Variants in INTS7 observed in about 807,000 individuals in gnomAD.
The protein encoded by INTS7 is chromosome 1 open reading frame 73.
INTS7 carries 46 observed loss-of-function variants against 109.2 expected under a neutral mutation model. The ratio of observed to expected loss-of-function variants is 0.42; its 90% CI spans 0.33 to 0.54. INTS7 has a LOEUF of 0.54. INTS7 is among the 20% of genes least tolerant of loss of function. The probability of loss-of-function intolerance (pLI) is 0.07; values close to 1 mark genes in which losing one functional copy is unlikely to be tolerated. For missense variants in INTS7, 929 were observed against 1,132.4 expected (o/e 0.82, Z 2.58); for synonymous variants, 412 against 402.9 (o/e 1.02, Z -0.27).
At chr1:211,999,175 T>C (rs185750278) in intron 7 of INTS7, among the ~76,000 whole-genome samples, 53 of 152,350 alleles carry the variant, frequency 3.5e-4, no homozygotes, top group Admixed American at 1.0e-3. Flanking sequence ...CCGTGTATGA[T>C]TGCAGCTTTA....
Position 212,020,229 on chromosome 1 carries a change from T to C in INTS7, c.264A>G (p.Gln88=), listed in dbSNP as rs1405176515. 1.9e-6 allele frequency: 3 copies of C among 1,603,990 alleles called. No homozygotes were observed. Among genetic ancestry groups the C allele is most frequent in the African/African-American group, 1.3e-5 (1 of 74,672 alleles). ...TCTTCTCCAAATGTTTCTCACTTTG[T>C]TGGGTAACTTTAAGAACACATAGCC... The part of the protein sequence containing the change: ...FLRLCVLKVT[Q]QSEKHLEKIL... Residue 88 remains glutamine, a synonymous_variant, in exon 3 of 20, where the codon CAA becomes CAG. Coordinates refer to ENST00000366994, the MANE Select transcript of INTS7 (RefSeq NM_015434.4).
At chr1:211,958,070 TAAAAA>T (rs11310640) in intron 16 of INTS7, among the ~76,000 whole-genome samples, 4 of 148,542 alleles carry the variant, frequency 2.7e-5, no homozygotes, top group Non-Finnish European at 6.0e-5. Flanking sequence ...TTTTAAAAAT[TAAAAA>T]AAAAAACAAA....
chr1:211,989,247 A>C (rs1373049356), intron 7 of INTS7, among the ~76,000 whole-genome samples: 1 of 152,158 alleles, frequency 6.6e-6, no homozygotes, highest in Non-Finnish European at 1.5e-5. Context: ...ATCCAGAAAA[A>C]CTGGCAAGGA....
intron 8 of INTS7, among the ~76,000 whole-genome samples, chr1:211,983,080 A>C (rs1268806433): frequency 3.3e-5 from 5 of 152,226 alleles, no homozygotes; most frequent in Non-Finnish European, 7.4e-5. Context: ...GACTAACAGT[A>C]CAAAAGCCAA....
rs73072524 is a variant in INTS7 at position 212,011,133 on chromosome 1, G to A, written c.556+242C>T. Among the ~76,000 whole-genome samples the A allele has an allele frequency of 4.8e-3, 737 of 152,170 alleles. 6 individuals carry two copies. Among genetic ancestry groups the A allele is most frequent in the African/African-American group, 0.016 (645 of 41,528 alleles). On this transcript the variant is annotated intron_variant, in intron 5 of 19. Transcript: ENST00000366994. ...TCACCATAGCACCAGAAATGTCATA[G>A]GCACATTTGTCTATCCCCACACACC...
At chr1:211,979,334 T>C (rs535993800) in intron 10 of INTS7, among the ~76,000 whole-genome samples, 2 of 152,306 alleles carry the variant, frequency 1.3e-5, no homozygotes, top group South Asian at 2.1e-4. Flanking sequence ...CACATAACTT[T>C]AGAGTCTGAT....
chr1:212,019,642 A>T (rs1298776388), intron 3 of INTS7, among the ~76,000 whole-genome samples: 1 of 152,174 alleles, frequency 6.6e-6, no homozygotes, highest in Non-Finnish European at 1.5e-5. Flanking sequence ...TAACAAATAA[A>T]TTTTTTTAAA....
intron 7 of INTS7, among the ~76,000 whole-genome samples, chr1:211,995,664 T>C (rs1469258514): frequency 6.6e-6 from 1 of 152,168 alleles, no homozygotes; most frequent in East Asian, 1.9e-4. Context: ...TCTGAATATT[T>C]GTGTCTCCCC....
At chr1:211,988,036 T>C in intron 7 of INTS7, 33 bp from the exon 8 acceptor site, 1 of 1,038,090 alleles carries the variant, frequency 9.6e-7, no homozygotes, top group Non-Finnish European at 1.5e-6. Flanking sequence ...ATATAGAAGT[T>C]AAAACATCAA....
intron 16 of INTS7, among the ~76,000 whole-genome samples, chr1:211,963,596 T>C (rs1160626669): frequency 6.6e-6 from 1 of 152,058 alleles, no homozygotes; most frequent in Non-Finnish European, 1.5e-5. Flanking sequence ...CAAAAAATAC[T>C]GGCAAACTGA....
chr1:212,035,390 G>A lies in INTS7; in HGVS notation c.48C>T (p.Gly16=). The A allele has an allele frequency of 6.2e-7, 1 of 1,613,842 alleles. No individual in the cohort carries two copies. Among genetic ancestry groups the A allele is most frequent in the Non-Finnish European group, 8.5e-7 (1 of 1,179,738 alleles). Residue 16 remains glycine, a synonymous_variant, in exon 1 of 20, where the codon GGC becomes GGT. Coordinates refer to ENST00000366994, the MANE Select transcript of INTS7 (RefSeq NM_015434.4). Reference sequence around the variant, plus strand: ...CAGAGTTGGCATCCAGTTCCTGTTCGCCATAGCCGGCATCTGCCAGGAAAG... The same window carrying A: ...CAGAGTTGGCATCCAGTTCCTGTTCACCATAGCCGGCATCTGCCAGGAAAG... The part of the protein sequence containing the change: ...TKSFLADAGY[G]EQELDANSAL...
Position 211,959,554 on chromosome 1 carries a change from C to T in INTS7, c.2184-6853G>A, listed in dbSNP as rs946805684. Among the ~76,000 whole-genome samples the T allele has an allele frequency of 3.9e-5, 6 of 152,158 alleles. No individual in the cohort carries two copies. The highest frequency in any genetic ancestry group is 5.9e-5 in the Non-Finnish European group (4 of 68,018). Reference sequence around the variant, plus strand: ...GCCACCCTCGACATTGCTTTGCCTGCGTGTGCATGGGCAGATCTTGCCTCC... The same window carrying T: ...GCCACCCTCGACATTGCTTTGCCTGTGTGTGCATGGGCAGATCTTGCCTCC... On this transcript the variant is annotated intron_variant, in intron 16 of 19. Coordinates refer to ENST00000366994, the MANE Select transcript of INTS7 (RefSeq NM_015434.4). This position sits in a 1 kb window ranked among gnomAD's most constrained non-coding sequence, Gnocchi z 4.2.
At chr1:211,974,621 ATAAC>A (rs1558034253) in intron 13 of INTS7, among the ~76,000 whole-genome samples, 1 of 152,172 alleles carries the variant, frequency 6.6e-6, no homozygotes, top group African/African-American at 2.4e-5. Flanking sequence ...ACTTAGGAAT[ATAAC>A]TAATTTCAAG....
intron 2 of INTS7, 151 bp from the exon 3 acceptor site, chr1:212,020,419 A>C: frequency 4.9e-6 from 3 of 607,352 alleles, no homozygotes; most frequent in Non-Finnish European, 8.3e-6. Flanking sequence ...TAAAGTTTGT[A>C]CTTTAGGTGG....
intron 4 of INTS7, among the ~76,000 whole-genome samples, chr1:212,015,710 TAAAAAAAAAAA>T (rs58204818): frequency 2.2e-3 from 77 of 34,982 alleles, no homozygotes; most frequent in African/African-American, 8.4e-3. Flanking sequence ...CAATAAATAC[TAAAAAAAAAAA>T]AAAAAAAAAA....
chr1:212,012,557 G>A (rs1666207797), intron 4 of INTS7, among the ~76,000 whole-genome samples: 1 of 152,154 alleles, frequency 6.6e-6, no homozygotes, highest in East Asian at 1.9e-4. Flanking sequence ...GAAGTTCGAG[G>A]CTGCAGTGAG....
At chr1:212,033,643 T>C (rs539184014) in intron 1 of INTS7, among the ~76,000 whole-genome samples, 32 of 152,326 alleles carry the variant, frequency 2.1e-4, no homozygotes, top group South Asian at 2.1e-4. Context: ...CACTATCCTA[T>C]TGTCAGCATG....
intron 7 of INTS7, among the ~76,000 whole-genome samples, chr1:211,993,679 C>CAAAAAAAAAAAAAAAAAAAAAA (rs1333287349): frequency 1.8e-5 from 1 of 54,792 alleles, no homozygotes; most frequent in African/African-American, 6.8e-5. Flanking sequence ...GACTAAAACT[C>CAAAAAAAAAAAAAAAAAAAAAA]AAAAAAAAAA....
intron 1 of INTS7, among the ~76,000 whole-genome samples, chr1:212,031,642 C>A (rs755032688): frequency 2.6e-5 from 4 of 152,152 alleles, no homozygotes; most frequent in Admixed American, 6.5e-5. Context: ...GTCTTGTTTG[C>A]CAACATAGCC....
Sources: gnomAD v4.1 joint callset for allele counts (sites outside exome capture counted in the v4.1 genomes callset) on GRCh38, gnomAD v4.1.1 for gene constraint, Gnocchi (gnomAD v3.1) non-coding constraint, MANE v1.5 for transcripts, NCBI Gene and HGNC (gene_info 2026-07-23, HGNC 2026-07-21) for gene names.